Variants in RABGAP1L observed in about 807,000 individuals in gnomAD.
RABGAP1L encodes rab GTPase-activating protein 1-like.
Under a neutral mutation model 137.7 loss-of-function variants are expected in RABGAP1L, and 63 were observed. The ratio of observed to expected loss-of-function variants is 0.46; its 90% CI spans 0.37 to 0.56. The LOEUF is 0.56. Among genes scored for constraint, RABGAP1L ranks in the 20% least tolerant of loss-of-function variants. RABGAP1L has a pLI of 0.00. For missense variants in RABGAP1L, 1,095 were observed against 1,244.0 expected (o/e 0.88, Z 1.80); for synonymous variants, 431 against 433.7 (o/e 0.99, Z 0.08).
chr1:174,966,521 G>T (rs1032619467), intron 20 of RABGAP1L, among the ~76,000 whole-genome samples: 5 of 152,066 alleles, frequency 3.3e-5, no homozygotes, highest in Non-Finnish European at 7.4e-5. Context: ...AGGAGTAATA[G>T]ATATATCAGA....
intron 13 of RABGAP1L, among the ~76,000 whole-genome samples, chr1:174,410,372 C>G (rs1649779756): frequency 6.6e-6 from 1 of 152,082 alleles, no homozygotes; most frequent in African/African-American, 2.4e-5. Flanking sequence ...TTTAATTCAT[C>G]TGGAGTTAAT....
At chr1:174,823,169 G>A (rs1398939836) in intron 19 of RABGAP1L, among the ~76,000 whole-genome samples, 2 of 151,808 alleles carry the variant, frequency 1.3e-5, no homozygotes, top group African/African-American at 2.4e-5. Context: ...TTTTTTCCCT[G>A]CACCTAATTC....
intron 13 of RABGAP1L, among the ~76,000 whole-genome samples, chr1:174,406,978 T>C (rs1649352678): frequency 6.6e-6 from 1 of 152,230 alleles, no homozygotes; most frequent in South Asian, 2.1e-4. Flanking sequence ...TTTATTGACA[T>C]TAGCACATAT....
rs369581530 is a variant in RABGAP1L at position 174,830,306 on chromosome 1, G to T, written c.2340+18346G>T. 7.5e-5 allele frequency among the ~76,000 whole-genome samples: 11 copies of T among 147,098 alleles called. 1 individual carries two copies. Among genetic ancestry groups the T allele is most frequent in the African/African-American group, 2.7e-4 (11 of 40,446 alleles). On this transcript the variant is annotated intron_variant, in intron 19 of 25. Transcript: ENST00000681986. ...AAAAAAAAAAACTAGCTTAGTTTCTGAGGAGAGAGCTGAAAGTCTGGTGTG... is the reference window on the plus strand; with the variant it reads ...AAAAAAAAAAACTAGCTTAGTTTCTTAGGAGAGAGCTGAAAGTCTGGTGTG...
At chr1:174,682,639 C>T (rs1678168785) in intron 14 of RABGAP1L, among the ~76,000 whole-genome samples, 1 of 152,148 alleles carries the variant, frequency 6.6e-6, no homozygotes. Context: ...CAAAAACTAA[C>T]ATGTTGTCTT....
At chr1:174,559,307 T>G (rs1323798891) in intron 13 of RABGAP1L, among the ~76,000 whole-genome samples, 1 of 152,158 alleles carries the variant, frequency 6.6e-6, no homozygotes, top group Admixed American at 6.5e-5. Context: ...AAACCAAGCA[T>G]TGACACACAC....
At chr1:174,936,378 A>C (rs1375400383) in intron 19 of RABGAP1L, among the ~76,000 whole-genome samples, 1 of 152,042 alleles carries the variant, frequency 6.6e-6, no homozygotes, top group Non-Finnish European at 1.5e-5. Context: ...TGAGGCAGGC[A>C]GATTGCTTGA....
chr1:174,558,537 A>T (rs908208155), intron 13 of RABGAP1L, among the ~76,000 whole-genome samples: 1 of 152,208 alleles, frequency 6.6e-6, no homozygotes, highest in Non-Finnish European at 1.5e-5. Flanking sequence ...CTTTCTAAAC[A>T]AAGGAAGACC....
intron 11 of RABGAP1L, among the ~76,000 whole-genome samples, chr1:174,366,698 C>T (rs1037405190): frequency 1.3e-5 from 2 of 149,444 alleles, no homozygotes; most frequent in African/African-American, 2.5e-5. Context: ...TCACTTGAAC[C>T]CAGAAGGTGA....
Position 174,736,041 on chromosome 1 carries a change from A to G in RABGAP1L, c.2170-16272A>G, listed in dbSNP as rs1431274702. Among the ~76,000 whole-genome samples, 7 of 152,110 alleles carry G rather than the reference A, an allele frequency of 4.6e-5. 1 individual carries two copies. The highest frequency in any genetic ancestry group is 4.6e-4 in the Admixed American group (7 of 15,278). ...CTACCCCTGGCCTCTCAAACCCTCA[A>G]ATCTCATGTCCTTCTCACACTGTAA... On this transcript the variant is annotated intron_variant, in intron 17 of 25. Coordinates refer to ENST00000681986, the MANE Select transcript of RABGAP1L (RefSeq NM_001366446.1).
intron 14 of RABGAP1L, among the ~76,000 whole-genome samples, chr1:174,661,646 CA>C (rs1405877596): frequency 6.6e-6 from 1 of 152,076 alleles, no homozygotes; most frequent in Non-Finnish European, 1.5e-5. Flanking sequence ...TAGGCTAATG[CA>C]GCAATAAACT....
chr1:174,275,785 G>T, intron 8 of RABGAP1L, 48 bp from the exon 9 acceptor site: 1 of 1,382,344 alleles, frequency 7.2e-7, no homozygotes, highest in South Asian at 1.3e-5. Context: ...TTAAAGTAGT[G>T]ATTTTTTTGA....
chr1:174,214,854 C>G (rs1342572606), intron 1 of RABGAP1L, among the ~76,000 whole-genome samples: 1 of 152,108 alleles, frequency 6.6e-6, no homozygotes, highest in Non-Finnish European at 1.5e-5. Flanking sequence ...ACATTGAAGA[C>G]TCAAATATAA....
chr1:174,620,271 G>A (rs987806705), intron 13 of RABGAP1L, among the ~76,000 whole-genome samples: 3 of 152,136 alleles, frequency 2.0e-5, no homozygotes, highest in Non-Finnish European at 4.4e-5. Context: ...ACTCAGCTCT[G>A]CACCAAGCAG....
At chr1:174,650,146 A>G (rs916712204) in intron 14 of RABGAP1L, among the ~76,000 whole-genome samples, 21 of 152,130 alleles carry the variant, frequency 1.4e-4, no homozygotes, top group African/African-American at 2.9e-4. Context: ...TTATTGATTT[A>G]CGTATATTGA....
At chr1:174,176,741 A>AAATAAAATAAAATAAAAT (rs1553248317) in intron 1 of RABGAP1L, among the ~76,000 whole-genome samples, 2 of 111,778 alleles carry the variant, frequency 1.8e-5, no homozygotes, top group Non-Finnish European at 1.8e-5. Flanking sequence ...AAAAAAAAAA[A>AAATAAAATAAAATAAAAT]AAAAAGGTCA....
At chr1:174,520,179 A>G (rs1663242399) in intron 13 of RABGAP1L, among the ~76,000 whole-genome samples, 2 of 152,244 alleles carry the variant, frequency 1.3e-5, no homozygotes. Flanking sequence ...TTAAAGGGAT[A>G]GGAAATGAAA....
In RABGAP1L at chr1:174,444,251, G is replaced by A. The variant is rs552878986; in HGVS notation, c.1710+50106G>A. Among the ~76,000 whole-genome samples the A allele has an allele frequency of 4.0e-5, 6 of 151,636 alleles. No individual in the cohort carries two copies. The South Asian group carries it at 1.3e-3, about 32-fold the overall frequency. ...GAAAGGGATTACATTAAATCTGTAT[G>A]TTGCTTTGGGTGATATTGTCCTTTT... is the stretch of plus-strand genomic sequence containing the variant. On this transcript the variant is annotated intron_variant, in intron 13 of 25. Transcript: ENST00000681986.
chr1:174,980,734 C>T (rs964737211), intron 23 of RABGAP1L, among the ~76,000 whole-genome samples: 1 of 152,130 alleles, frequency 6.6e-6, no homozygotes, highest in African/African-American at 2.4e-5. Flanking sequence ...TCTTTTTGAG[C>T]AGGAAAGTGG....
Sources: allele counts gnomAD v4.1 joint callset (sites outside exome capture counted in the v4.1 genomes callset), GRCh38; gene constraint gnomAD v4.1.1; transcripts MANE v1.5; gene names NCBI Gene and HGNC (gene_info 2026-07-23, HGNC 2026-07-21).